Variants in OGDH observed in about 807,000 individuals in gnomAD.
The protein encoded by OGDH is 2-oxoglutarate dehydrogenase complex component E1.
OGDH carries 38 observed loss-of-function variants against 116.6 expected under a neutral mutation model. That is an observed-to-expected ratio of 0.33 (90% CI 0.25 to 0.43). OGDH has a LOEUF of 0.43. Ranked by LOEUF, OGDH falls within the 20% of genes least tolerant of loss-of-function variation. The probability of loss-of-function intolerance (pLI) is 1.00; values close to 1 mark genes in which losing one functional copy is unlikely to be tolerated. For missense variants in OGDH, 825 were observed against 1,357.2 expected (o/e 0.61, Z 6.16); for synonymous variants, 488 against 533.3 (o/e 0.92, Z 1.17).
intron 1 of OGDH, among the ~76,000 whole-genome samples, chr7:44,608,700 G>A (rs1784449119): frequency 6.6e-6 from 1 of 151,642 alleles, no homozygotes; most frequent in Non-Finnish European, 1.5e-5. Flanking sequence ...CAGCCTGAGC[G>A]ACAGAGCAAG....
chr7:44,686,950 G>A (rs1272505022), intron 10 of OGDH, among the ~76,000 whole-genome samples: 1 of 151,510 alleles, frequency 6.6e-6, no homozygotes, highest in African/African-American at 2.4e-5. Context: ...GCCTCCCAAA[G>A]TGCTGGGATT....
intron 5 of OGDH, among the ~76,000 whole-genome samples, chr7:44,670,621 A>G (rs961253274): frequency 6.6e-6 from 1 of 152,168 alleles, no homozygotes; most frequent in African/African-American, 2.4e-5. Flanking sequence ...GTTGACTCTG[A>G]AATTAGGGAT....
intron 1 of OGDH, among the ~76,000 whole-genome samples, chr7:44,621,393 G>A (rs911491263): frequency 1.8e-4 from 27 of 152,126 alleles, no homozygotes; most frequent in Admixed American, 3.9e-4. Flanking sequence ...TTCTTATGCC[G>A]TTTTATGTAA....
intron 5 of OGDH, among the ~76,000 whole-genome samples, chr7:44,673,015 C>T (rs536055819): frequency 5.3e-5 from 8 of 152,162 alleles, no homozygotes; most frequent in East Asian, 1.9e-4. Context: ...TCCTCCCTGC[C>T]GAGCTCTGCA....
intron 2 of OGDH, among the ~76,000 whole-genome samples, chr7:44,633,714 A>G (rs1785545510): frequency 6.6e-6 from 1 of 152,182 alleles, no homozygotes; most frequent in South Asian, 2.1e-4. Context: ...TGCTTTGTGT[A>G]GCTGGGCTGG....
chr7:44,617,772 T>C (rs1784859782), intron 1 of OGDH, among the ~76,000 whole-genome samples: 1 of 152,228 alleles, frequency 6.6e-6, no homozygotes, highest in Admixed American at 6.5e-5. Context: ...CAGCTAACAC[T>C]CATAGGGTTT....
chr7:44,623,166 C>A (rs898337671), intron 1 of OGDH, among the ~76,000 whole-genome samples: 1 of 152,168 alleles, frequency 6.6e-6, no homozygotes, highest in South Asian at 2.1e-4. Context: ...CCTTACCCTT[C>A]GTAGTACCAT....
intron 5 of OGDH, among the ~76,000 whole-genome samples, chr7:44,669,146 T>TA (rs1491316849): frequency 9.0e-6 from 1 of 110,976 alleles, no homozygotes. Flanking sequence ...GCCCGGCAGC[T>TA]TTTTTTTTTT....
intron 4 of OGDH, among the ~76,000 whole-genome samples, chr7:44,662,464 CTTTT>C (rs199533460): frequency 7.6e-6 from 1 of 130,820 alleles, no homozygotes. Context: ...CTTTTCTTTT[CTTTT>C]TTTTTTTTTT....
intron 1 of OGDH, among the ~76,000 whole-genome samples, chr7:44,616,375 T>TA (rs1784768166): frequency 6.6e-6 from 1 of 152,118 alleles, no homozygotes; most frequent in Admixed American, 6.6e-5. Context: ...TCTTCAGACC[T>TA]ATATACTGAA....
chr7:44,652,674 T>C (rs1786503831), intron 4 of OGDH, among the ~76,000 whole-genome samples: 3 of 152,164 alleles, frequency 2.0e-5, no homozygotes, highest in Admixed American at 2.0e-4. Flanking sequence ...GTGCTAGAAT[T>C]ACAGCAGTGA....
chr7:44,649,225 C>T (rs954268100), intron 4 of OGDH, among the ~76,000 whole-genome samples: 4 of 147,078 alleles, frequency 2.7e-5, no homozygotes, highest in Non-Finnish European at 6.0e-5. Context: ...AGGAGAGCTG[C>T]GGAATGCTCA....
chr7:44,690,604 A>G (rs1450889523), intron 10 of OGDH, among the ~76,000 whole-genome samples: 3 of 152,238 alleles, frequency 2.0e-5, no homozygotes, highest in Admixed American at 2.0e-4. Context: ...CCCTGCCGGT[A>G]GAGTGCATCT....
Position 44,694,905 on chromosome 7 carries a change from G to A in OGDH, c.1668+329G>A, listed in dbSNP as rs1220994666. Among the ~76,000 whole-genome samples the A allele has an allele frequency of 6.6e-6, 1 of 152,058 alleles. No homozygotes were observed. Among genetic ancestry groups the A allele is most frequent in the African/African-American group, 2.4e-5 (1 of 41,396 alleles). The stretch of plus-strand genomic sequence containing the variant: ...GGGTGGTGGATCCAGCTTGGTAAGG[G>A]GCCTGTTGTAATCTGGATAGTAAGT... On this transcript the variant is annotated intron_variant, in intron 12 of 22. Transcript: ENST00000222673. The surrounding 1 kb of genome is among the most constrained non-coding windows in gnomAD (Gnocchi z 4.2).
intron 1 of OGDH, among the ~76,000 whole-genome samples, chr7:44,607,481 C>A (rs1784398808): frequency 6.6e-6 from 1 of 152,140 alleles, no homozygotes; most frequent in Non-Finnish European, 1.5e-5. Context: ...GTCTTGCAGT[C>A]CGTACTTTGA....
chr7:44,701,560 C>T lies in OGDH; in HGVS notation c.2577C>T (p.Pro859=), dbSNP rs367547729. ...PFRKPLIIFT[P]KSLLRHPEAR... ...TATTTCAGTTAATTATCTTCACCCC[C>T]AAATCCCTGTTGCGCCACCCCGAGG... Residue 859 remains proline, a synonymous_variant, in exon 20 of 23, where the codon CCC becomes CCT. Coordinates refer to ENST00000222673, the MANE Select transcript of OGDH (RefSeq NM_002541.4). 7 of 1,614,008 alleles carry T rather than the reference C, an allele frequency of 4.3e-6. No homozygotes were observed. The African/African-American group carries it at 9.3e-5, about 22-fold the overall frequency.
intron 20 of OGDH, among the ~76,000 whole-genome samples, chr7:44,705,782 C>G (rs549952843): frequency 3.3e-4 from 50 of 152,286 alleles, no homozygotes; most frequent in South Asian, 6.2e-4. Context: ...TATAGAAACA[C>G]AACTGGTTTT....
At chr7:44,672,651 T>G (rs539182785) in intron 5 of OGDH, among the ~76,000 whole-genome samples, 2,823 of 149,792 alleles carry the variant, frequency 0.019, 54 homozygotes, top group Non-Finnish European at 0.024. Flanking sequence ...TTTGTTTTTT[T>G]TTTTTTTTTG....
At chr7:44,689,542 G>A (rs547748227) in intron 10 of OGDH, among the ~76,000 whole-genome samples, 2 of 151,396 alleles carry the variant, frequency 1.3e-5, no homozygotes, top group East Asian at 3.9e-4. Context: ...CCCCCAGCTA[G>A]GATTCCAGTT....
Sources: allele counts gnomAD v4.1 joint callset (sites outside exome capture counted in the v4.1 genomes callset), GRCh38; gene constraint gnomAD v4.1.1; non-coding constraint Gnocchi (gnomAD v3.1); transcripts MANE v1.5; gene names NCBI Gene and HGNC (gene_info 2026-07-23, HGNC 2026-07-21).